Variants in OPRM1 observed in about 807,000 individuals in gnomAD.
OPRM1 encodes the protein mu-type opioid receptor.
OPRM1 carries 27 observed loss-of-function variants against 31.8 expected under a neutral mutation model. The observed-to-expected ratio is 0.85, with a 90% confidence interval of 0.63 to 1.17. The LOEUF (loss-of-function observed/expected upper bound fraction) is 1.17. OPRM1 is among the 50% of genes most tolerant of loss of function. OPRM1 has a pLI of 0.00. For synonymous variants in OPRM1, 196 were observed against 189.9 expected, an observed-to-expected ratio of 1.03 and a Z score of -0.26; for missense variants, 536 against 511.1, an observed-to-expected ratio of 1.05 and a Z score of -0.47.
chr6:154,199,529 C>T (rs1230521578), intron 3 of OPRM1: 1 of 1,013,608 alleles, frequency 9.9e-7, no homozygotes, highest in Admixed American at 2.9e-5. Context: ...ACAAAGCAAC[C>T]TCTGGGCATA....
chr6:154,102,634 C>A (rs1294082166), intron 3 of OPRM1, among the ~76,000 whole-genome samples: 2 of 152,094 alleles, frequency 1.3e-5, no homozygotes, highest in Non-Finnish European at 2.9e-5. Flanking sequence ...ACACTAAATG[C>A]CAGTAGCACC....
intron 1 of OPRM1, among the ~76,000 whole-genome samples, chr6:154,020,504 A>G (rs1778302362): frequency 6.6e-6 from 1 of 152,238 alleles, no homozygotes; most frequent in Non-Finnish European, 1.5e-5. Flanking sequence ...AATTTAAAAA[A>G]AATTTTAAAG....
chr6:154,057,074 G>C (rs964355975), intron 1 of OPRM1, among the ~76,000 whole-genome samples: 4 of 152,044 alleles, frequency 2.6e-5, no homozygotes, highest in African/African-American at 9.7e-5. Flanking sequence ...CATATCTAAG[G>C]ACTAAAGATA....
chr6:154,029,266 A>C (rs920172929), intron 1 of OPRM1, among the ~76,000 whole-genome samples: 16 of 151,782 alleles, frequency 1.1e-4, no homozygotes, highest in African/African-American at 3.9e-4. Context: ...AACAAATTAA[A>C]TGTTTCCTTT....
chr6:154,050,583 G>T (rs1781990177), intron 1 of OPRM1, among the ~76,000 whole-genome samples: 2 of 151,828 alleles, frequency 1.3e-5, no homozygotes, highest in Non-Finnish European at 2.9e-5. Context: ...AGAGTAGAAG[G>T]ATGGTGACCA....
At chr6:154,224,743 A>C (rs1162219893) in intron 3 of OPRM1, among the ~76,000 whole-genome samples, 2 of 152,092 alleles carry the variant, frequency 1.3e-5, no homozygotes, top group Admixed American at 1.3e-4. Context: ...AAAGAGATTC[A>C]AAACTCAATT....
At chr6:154,186,835 C>T (rs866740969) in intron 3 of OPRM1, among the ~76,000 whole-genome samples, 6 of 152,250 alleles carry the variant, frequency 3.9e-5, no homozygotes, top group South Asian at 2.1e-4. Flanking sequence ...GGATTACAGA[C>T]GTGAGCCACC....
At chr6:154,087,644 C>G (rs1210537775) in intron 1 of OPRM1, 20 of 959,128 alleles carry the variant, frequency 2.1e-5, no homozygotes, top group East Asian at 1.1e-4. Flanking sequence ...CTCACTGGCT[C>G]TGGTTGGAAC....
At chr6:154,038,993 T>C, upstream of OPRM1, 1 of 723,244 alleles carries the variant, frequency 1.4e-6, no homozygotes, top group Non-Finnish European at 2.2e-6. Context: ...AGCATTGGGG[T>C]TTTAGGGCTG....
intron 1 of OPRM1, among the ~76,000 whole-genome samples, chr6:154,062,326 T>G (rs956387874): frequency 6.6e-6 from 1 of 152,140 alleles, no homozygotes; most frequent in Non-Finnish European, 1.5e-5. Flanking sequence ...AATAGTTACA[T>G]AATTTGTGGC....
At chr6:154,086,534 A>G in intron 1 of OPRM1, 1 of 980,942 alleles carries the variant, frequency 1.0e-6, no homozygotes, top group Non-Finnish European at 1.2e-6. Context: ...ACTATGCATA[A>G]CCACGTTTCC....
intron 3 of OPRM1, among the ~76,000 whole-genome samples, chr6:154,106,387 G>T (rs1234037751): frequency 1.3e-5 from 2 of 152,208 alleles, no homozygotes; most frequent in Non-Finnish European, 2.9e-5. Flanking sequence ...AGGCAGAAGT[G>T]CAGATAAGAG....
chr6:154,242,533 A>G (rs1780679043), intron 3 of OPRM1, among the ~76,000 whole-genome samples: 1 of 152,170 alleles, frequency 6.6e-6, no homozygotes, highest in Non-Finnish European at 1.5e-5. Flanking sequence ...GAAATGATCA[A>G]TTATGGAAAA....
chr6:154,067,243 T>A (rs1785618614), intron 1 of OPRM1, among the ~76,000 whole-genome samples: 1 of 152,040 alleles, frequency 6.6e-6, no homozygotes, highest in Non-Finnish European at 1.5e-5. Context: ...TTCCTTAAGT[T>A]TTTAAGTTGT....
rs902148398 is a variant in OPRM1, at chr6:154,118,900, T to C, written c.*179T>C. The C allele has an allele frequency of 7.1e-7, 1 of 1,415,796 alleles. No individual in the cohort carries two copies. Among genetic ancestry groups the C allele is most frequent in the African/African-American group, 1.4e-5 (1 of 69,728 alleles). The allele number at this position is 1,415,796 out of a possible 1,614,324, so 87.7% of individuals were successfully genotyped here. A position where few individuals can be genotyped will look rare whatever the true frequency, so the allele number is the denominator to read the frequency against. On this transcript the variant is annotated 3_prime_UTR_variant, in exon 4 of 4. Transcript: ENST00000330432. ...TGCACATTAGAGGGACAGCCAAAAG[T>C]AAGTGGAGCATTTGGAAGGAAAGGA... is the stretch of plus-strand genomic sequence containing the variant.
chr6:154,163,710 A>G (rs1374028520), intron 3 of OPRM1, among the ~76,000 whole-genome samples: 1 of 152,198 alleles, frequency 6.6e-6, no homozygotes, highest in Non-Finnish European at 1.5e-5. Flanking sequence ...AAATGAATAA[A>G]TGAATTACCA....
chr6:154,036,678 A>G (rs1779316058), upstream of OPRM1, among the ~76,000 whole-genome samples: 1 of 151,974 alleles, frequency 6.6e-6, no homozygotes. Context: ...AGGTTTTCCC[A>G]TAAAGATGTT....
chr6:154,138,910 G>A (rs781636076), intron 3 of OPRM1, among the ~76,000 whole-genome samples: 69 of 152,092 alleles, frequency 4.5e-4, no homozygotes, highest in Non-Finnish European at 8.7e-4. Flanking sequence ...TGGATCAACC[G>A]GCACTACCCA....
chr6:154,213,139 C>G lies in OPRM1; in HGVS notation c.1165-33554C>G, dbSNP rs1583814152. 2.2e-5 allele frequency: 8 copies of G among 369,996 alleles called. No individual in the cohort carries two copies. The South Asian group carries it at 2.6e-4, about 12-fold the overall frequency. The allele number at this position is 369,996 out of a possible 1,614,324, so 22.9% of individuals were successfully genotyped here. ...ATAATTCCTCAAAAGAGGTGTGAGT[C>G]ATAATACCAAGAGAACACAAAATCA... On this transcript the variant is annotated intron_variant, in intron 3 of 3. Transcript: ENST00000337049.
Sources: gnomAD v4.1 joint callset for allele counts (sites outside exome capture counted in the v4.1 genomes callset) on GRCh38, gnomAD v4.1.1 for gene constraint, MANE v1.5 for transcripts, NCBI Gene and HGNC (gene_info 2026-07-23, HGNC 2026-07-21) for gene names.